The following CPNE3 variants were observed in gnomAD, a reference collection of about 807,000 sequenced individuals.
CPNE3 encodes the protein copine 3.
A neutral mutation model predicts 63.9 loss-of-function variants in CPNE3; 68 were observed. The ratio of observed to expected loss-of-function variants is 1.06; its 90% confidence interval spans 0.87 to 1.30. The LOEUF (loss-of-function observed/expected upper bound fraction) is 1.30, where lower values mean the gene tolerates loss of function less well. CPNE3 is among the 50% of genes most tolerant of loss of function. The pLI is 0.00. For synonymous variants in CPNE3, 219 were observed against 197.5 expected (o/e 1.11, Z -0.91); for missense variants, 665 against 578.1 (o/e 1.15, Z -1.54).
At chr8:86,522,857 A>G (rs1820465706) in intron 2 of CPNE3, among the ~76,000 whole-genome samples, 1 of 152,094 alleles carries the variant, frequency 6.6e-6, no homozygotes, top group Admixed American at 6.6e-5. Context: ...ATAGGCACCG[A>G]CTTCTCCTTC....
chr8:86,556,540 G>T (rs1821330401), intron 16 of CPNE3, among the ~76,000 whole-genome samples: 1 of 152,192 alleles, frequency 6.6e-6, no homozygotes, highest in Admixed American at 6.5e-5. Flanking sequence ...ATGATAAATT[G>T]TTTTAAAATA....
At chr8:86,515,666 C>G (rs775249502) in intron 2 of CPNE3, among the ~76,000 whole-genome samples, 167 bp downstream of exon 2, 16 of 152,196 alleles carry the variant, frequency 1.1e-4, no homozygotes, top group Non-Finnish European at 2.1e-4. Flanking sequence ...GGATACTTCA[C>G]CTTTTAGGGC....
At chr8:86,552,962 GCC>G (rs1173984951) in intron 14 of CPNE3, among the ~76,000 whole-genome samples, 1 of 3,510 alleles carries the variant, frequency 2.8e-4, no homozygotes, top group Non-Finnish European at 9.8e-4. Flanking sequence ...GCCACAGCCC[GCC>G]CCCCCCCCCC....
At position 86,522,548 on chromosome 8, in the gene CPNE3, C is replaced by CTTT. The variant is rs36073581; in HGVS notation, c.-10-5961_-10-5959dup. On this transcript the variant is annotated intron_variant, in intron 2 of 16. Coordinates refer to ENST00000517490, the MANE Select transcript of CPNE3 (RefSeq NM_003909.5). Reference sequence around the variant, plus strand: ...CAGCCATATTACCTGACGCCCGCTGCTTTTTTTTTTTTTTTTTTTTTTTTT... The same window carrying CTTT: ...CAGCCATATTACCTGACGCCCGCTGCTTTTTTTTTTTTTTTTTTTTTTTTTTTT... Among the ~76,000 whole-genome samples the CTTT allele has an allele frequency of 4.0e-3, 331 of 82,156 alleles. 31 individuals carry two copies. Among genetic ancestry groups the CTTT allele is most frequent in the African/African-American group, 7.4e-3 (121 of 16,310 alleles). 53.9% of individuals were successfully genotyped at this position (82,156 alleles called of 152,430 possible).
chr8:86,518,842 G>C (rs1013087179), intron 2 of CPNE3, among the ~76,000 whole-genome samples: 2 of 151,830 alleles, frequency 1.3e-5, no homozygotes, highest in South Asian at 2.1e-4. Context: ...GCATGATCTC[G>C]GCTCACTGCA....
intron 14 of CPNE3, among the ~76,000 whole-genome samples, chr8:86,553,245 C>T (rs752433950): frequency 6.6e-6 from 1 of 151,946 alleles, no homozygotes; most frequent in Non-Finnish European, 1.5e-5. Context: ...TCACCCCTGC[C>T]TATGAATTAG....
chr8:86,541,096 T>G (rs1243150065), intron 8 of CPNE3, among the ~76,000 whole-genome samples: 2 of 152,144 alleles, frequency 1.3e-5, no homozygotes, highest in Non-Finnish European at 2.9e-5. Context: ...ATTTTTTGGT[T>G]TGTTTTTCTC....
intron 6 of CPNE3, among the ~76,000 whole-genome samples, chr8:86,537,196 A>G (rs1820820286): frequency 6.6e-6 from 1 of 152,188 alleles, no homozygotes; most frequent in South Asian, 2.1e-4. Context: ...TGGTATGGCT[A>G]ATGTTTGTGA....
At chr8:86,554,776 T>C (rs1261080966) in intron 14 of CPNE3, 75 bp from the exon 15 acceptor site, 3 of 1,542,344 alleles carry the variant, frequency 1.9e-6, no homozygotes, top group Non-Finnish European at 2.6e-6. Flanking sequence ...TATAATCAAA[T>C]TAGCCAGTAT....
rs748831746 is a variant in CPNE3 at position 86,551,079 on chromosome 8, T to G, written c.1047T>G (p.Ala349=). ...DKMFPAFGFG[A]QIPPQWQVSH... is the part of the protein sequence containing the mutation. ...TGTTTCCAGCTTTTGGTTTTGGCGC[T>G]CAGATACCTCCTCAGTGGCAGGTAA... Residue 349 remains alanine (A), a synonymous_variant, in exon 13 of 17, where the codon GCT becomes GCG. Coordinates refer to ENST00000517490, the MANE Select transcript of CPNE3 (RefSeq NM_003909.5). 1.9e-6 allele frequency: 3 copies of G among 1,611,300 alleles called. No individual in the cohort carries two copies. Among genetic ancestry groups the G allele is most frequent in the African/African-American group, 2.7e-5 (2 of 74,904 alleles).
chr8:86,545,051 A>G, intron 9 of CPNE3: 1 of 303,322 alleles, frequency 3.3e-6, no homozygotes, highest in Non-Finnish European at 6.0e-6. Flanking sequence ...TACTAATGCC[A>G]GATGAGGACT....
intron 8 of CPNE3, 145 bp from the exon 9 acceptor site, chr8:86,544,595 A>G (rs754285407): frequency 6.3e-6 from 2 of 318,722 alleles, no homozygotes; most frequent in Non-Finnish European, 1.1e-5. Flanking sequence ...GTTAATTCCT[A>G]CTGTCCCAAG....
In CPNE3 at chr8:86,522,462, A is replaced by T. The variant is rs149554715; in HGVS notation, c.-10-6074A>T. Among the ~76,000 whole-genome samples, 118 of 151,708 alleles carry T rather than the reference A, an allele frequency of 7.8e-4. No homozygotes were observed. In the East Asian group the frequency reaches 0.022, roughly 28 times the overall value. On this transcript the variant is annotated intron_variant, in intron 2 of 16. Coordinates refer to ENST00000517490, the MANE Select transcript of CPNE3 (RefSeq NM_003909.5). ...AATAATGGGTTTACAGTAACCTGGTAATAAATACATTTGCTAGTCTGACCT... is the reference window on the plus strand; with the variant it reads ...AATAATGGGTTTACAGTAACCTGGTTATAAATACATTTGCTAGTCTGACCT...
chr8:86,544,957 A>G (rs1279532566), intron 9 of CPNE3, 119 bp downstream of exon 9: 2 of 462,558 alleles, frequency 4.3e-6, no homozygotes, highest in Admixed American at 3.5e-5. Flanking sequence ...ATATTGCATA[A>G]TGCTCCGAAA....
intron 8 of CPNE3, among the ~76,000 whole-genome samples, chr8:86,540,751 G>A (rs999084815): frequency 2.0e-5 from 3 of 152,116 alleles, no homozygotes; most frequent in Non-Finnish European, 2.9e-5. Flanking sequence ...CCTTAGCAAG[G>A]GAGGGCAGTA....
At chr8:86,556,486 C>G (rs1821329646) in intron 16 of CPNE3, 148 bp downstream of exon 16, 1 of 669,062 alleles carries the variant, frequency 1.5e-6, no homozygotes, top group Non-Finnish European at 2.7e-6. Flanking sequence ...TTTGGTTTAG[C>G]AGTGTTGCTT....
chr8:86,530,171 T>C (rs1243248310), intron 4 of CPNE3, among the ~76,000 whole-genome samples: 1 of 11,582 alleles, frequency 8.6e-5, no homozygotes, highest in Non-Finnish European at 2.5e-4. Flanking sequence ...AATTGAATCC[T>C]TTTTTTTTTT....
At chr8:86,539,383 C>A (rs547156074) in intron 7 of CPNE3, among the ~76,000 whole-genome samples, 1 of 152,210 alleles carries the variant, frequency 6.6e-6, no homozygotes, top group South Asian at 2.1e-4. Context: ...TATTTAGACA[C>A]TGACATCTGA....
In CPNE3 at chr8:86,556,326, A is replaced by G; in HGVS notation, c.1479A>G (p.Arg493=). 1 of 873,002 alleles carries G rather than the reference A, an allele frequency of 1.1e-6. No homozygotes were observed. Among genetic ancestry groups the G allele is most frequent in the Non-Finnish European group, 2.0e-6 (1 of 501,678 alleles). The allele number at this position is 873,002 out of a possible 1,614,324, so 54.1% of individuals were successfully genotyped here. Residue 493 remains arginine (R), a synonymous_variant, in exon 16 of 17, where the codon AGA becomes AGG. Coordinates refer to ENST00000517490, the MANE Select transcript of CPNE3 (RefSeq NM_003909.5). ...IRDIVQFVPF[R]QFQNAPKEAL... The stretch of plus-strand genomic sequence containing the variant: ...ATATTGTCCAGTTTGTGCCTTTCAG[A>G]CAGTTCCAGAATGTGAGTACCACTC...
Sources: gnomAD v4.1 joint callset for allele counts (sites outside exome capture counted in the v4.1 genomes callset) on GRCh38, gnomAD v4.1.1 for gene constraint, MANE v1.5 for transcripts, NCBI Gene and HGNC (gene_info 2026-07-23, HGNC 2026-07-21) for gene names.